ZDHHC3: variants seen among roughly 807,000 people sequenced by gnomAD.
ZDHHC3 encodes palmitoyltransferase ZDHHC3.
A neutral mutation model predicts 30.6 loss-of-function variants in ZDHHC3; 9 were observed. The observed-to-expected ratio is 0.29, with a 90% CI of 0.18 to 0.51. The LOEUF is 0.51. Ranked by LOEUF, ZDHHC3 falls within the 20% of genes least tolerant of loss-of-function variation. ZDHHC3 has a pLI of 0.97. For synonymous variants in ZDHHC3, 136 were observed against 140.2 expected, an observed-to-expected ratio of 0.97 and a Z score of 0.21; for missense variants, 246 against 384.2, an observed-to-expected ratio of 0.64 and a Z score of 3.01.
Position 44,917,715 on chromosome 3 carries a change from C to A in ZDHHC3, c.*8974G>T. The stretch of plus-strand genomic sequence containing the variant: ...TCTGATGTCCCCAGCCTACTCCCGA[C>A]CCCCAGACCTGGCCCAACATGGAGA... On this transcript the variant is annotated 3_prime_UTR_variant, in exon 7 of 7. Coordinates refer to ENST00000424952, the MANE Select transcript of ZDHHC3 (RefSeq NM_001135179.2). 7.8e-6 allele frequency: 5 copies of A among 638,122 alleles called. No individual in the cohort carries two copies. The South Asian group carries it at 9.3e-5, about 12-fold the overall frequency. 39.5% of individuals were successfully genotyped at this position (638,122 alleles called of 1,614,324 possible).
At chr3:44,942,827 C>G (rs575904597) in intron 3 of ZDHHC3, among the ~76,000 whole-genome samples, 144 of 152,364 alleles carry the variant, frequency 9.5e-4, no homozygotes, top group Non-Finnish European at 1.8e-3. Context: ...GCAAGCGACA[C>G]AGCTGAACTT....
rs1382208078 is a variant in ZDHHC3 at position 44,959,019 on chromosome 3, G to A, written c.306+112C>T. On this transcript the variant is annotated intron_variant, in intron 2 of 6. Transcript: ENST00000424952. This position sits in a 1 kb window ranked among gnomAD's most constrained non-coding sequence, Gnocchi z 4.3. ...AGATCTACTTCCTCACCCTCCCCTG[G>A]CCCTCCTATCCTCCAAGTTCCCAAG... 4.6e-6 allele frequency: 6 copies of A among 1,314,700 alleles called. No homozygotes were observed. Among genetic ancestry groups the A allele is most frequent in the Non-Finnish European group, 6.3e-6 (6 of 945,546 alleles). 81.4% of individuals were successfully genotyped at this position (1,314,700 alleles called of 1,614,324 possible). A position where few individuals can be genotyped will look rare whatever the true frequency, so the allele number is the denominator to read the frequency against.
rs1701629997 is a variant in ZDHHC3 at position 44,932,962 on chromosome 3, T to C, written c.610+156A>G. On this transcript the variant is annotated intron_variant, in intron 5 of 6. Coordinates refer to ENST00000424952, the MANE Select transcript of ZDHHC3 (RefSeq NM_001135179.2). ...TTTCATGAAGAGAGATTCCAGTCTCTGCCATTTCTTCCCTGTTCAGTCCAT... is the reference window on the plus strand; with the variant it reads ...TTTCATGAAGAGAGATTCCAGTCTCCGCCATTTCTTCCCTGTTCAGTCCAT... The C allele has an allele frequency of 3.1e-6, 5 of 1,614,046 alleles. No individual in the cohort carries two copies. In the South Asian group the frequency reaches 4.4e-5, roughly 14 times the overall value.
intron 6 of ZDHHC3, among the ~76,000 whole-genome samples, chr3:44,928,754 TGAG>T (rs1010291046): frequency 4.0e-5 from 6 of 151,554 alleles, no homozygotes; most frequent in Non-Finnish European, 5.9e-5. Context: ...ATGGTAGGGG[TGAG>T]GAGAAGGCAG....
chr3:44,964,873 C>T (rs1575942024), intron 1 of ZDHHC3, among the ~76,000 whole-genome samples: 1 of 152,022 alleles, frequency 6.6e-6, no homozygotes, highest in South Asian at 2.1e-4. Context: ...AAAGAGTTAG[C>T]GCCTCCATAT....
At position 44,959,793 on chromosome 3, in the gene ZDHHC3, G is replaced by C. The variant is rs1302987229; in HGVS notation, c.-24-333C>G. On this transcript the variant is annotated intron_variant, in intron 1 of 6. Coordinates refer to ENST00000424952, the MANE Select transcript of ZDHHC3 (RefSeq NM_001135179.2). This position sits in a 1 kb window ranked among gnomAD's most constrained non-coding sequence, Gnocchi z 4.3. ...TTGAGACCAGGTGGGGTCTCACTCTGTCATTCAGGCTGGAGTGCAGTGGCA... is the reference window on the plus strand; with the variant it reads ...TTGAGACCAGGTGGGGTCTCACTCTCTCATTCAGGCTGGAGTGCAGTGGCA... 6.6e-6 allele frequency among the ~76,000 whole-genome samples: 1 copy of C among 152,196 alleles called. No homozygotes were observed. The highest frequency in any genetic ancestry group is 1.5e-5 in the Non-Finnish European group (1 of 68,042).
At position 44,919,968 on chromosome 3, in the gene ZDHHC3, T is replaced by G. The variant is rs1700478658; in HGVS notation, c.*6721A>C. 3 of 1,103,570 alleles carry G rather than the reference T, an allele frequency of 2.7e-6. No individual in the cohort carries two copies. The South Asian group carries it at 7.0e-5, about 26-fold the overall frequency. The allele number at this position is 1,103,570 out of a possible 1,614,324, so 68.4% of individuals were successfully genotyped here. A position where few individuals can be genotyped will look rare whatever the true frequency, so the allele number is the denominator to read the frequency against. On this transcript the variant is annotated 3_prime_UTR_variant, in exon 7 of 7. Transcript: ENST00000424952. ...AATGATGGTTAAGCAAATGATTCTA[T>G]AACACTATGCAGCTAGAAAAGATGG...
chr3:44,917,897 A>G lies in ZDHHC3; in HGVS notation c.*8792T>C, dbSNP rs1212660405. 7.7e-7 allele frequency: 1 copy of G among 1,302,210 alleles called. No homozygotes were observed. The highest frequency in any genetic ancestry group is 1.0e-6 in the Non-Finnish European group (1 of 988,930). The allele number at this position is 1,302,210 out of a possible 1,614,324, so 80.7% of individuals were successfully genotyped here. A position where few individuals can be genotyped will look rare whatever the true frequency, so the allele number is the denominator to read the frequency against. Reference sequence around the variant, plus strand: ...TGCTTCTCTCCCCACAGCAGCATCTATTCATCTGTCACCTCCACAGAGTCC... The same window carrying G: ...TGCTTCTCTCCCCACAGCAGCATCTGTTCATCTGTCACCTCCACAGAGTCC... On this transcript the variant is annotated 3_prime_UTR_variant, in exon 7 of 7. Transcript: ENST00000424952.
Position 44,926,327 on chromosome 3 carries a change from A to C in ZDHHC3, c.*362T>G. 1.0e-6 allele frequency: 1 copy of C among 997,916 alleles called. No individual in the cohort carries two copies. Among genetic ancestry groups the C allele is most frequent in the Non-Finnish European group, 1.2e-6 (1 of 838,564 alleles). The allele number at this position is 997,916 out of a possible 1,614,324, so 61.8% of individuals were successfully genotyped here. Reference sequence around the variant, plus strand: ...GCATCCCCCACCAGGTGTCCAGACTATTCCATCCACGCACAGCGTCATGTC... The same window carrying C: ...GCATCCCCCACCAGGTGTCCAGACTCTTCCATCCACGCACAGCGTCATGTC... On this transcript the variant is annotated 3_prime_UTR_variant, in exon 7 of 7. Coordinates refer to ENST00000424952, the MANE Select transcript of ZDHHC3 (RefSeq NM_001135179.2).
Position 44,926,603 on chromosome 3 carries a change from T to C in ZDHHC3, c.*86A>G, listed in dbSNP as rs758093613. On this transcript the variant is annotated 3_prime_UTR_variant, in exon 7 of 7. Coordinates refer to ENST00000424952, the MANE Select transcript of ZDHHC3 (RefSeq NM_001135179.2). ...GTTTTAAGAGTAGTTGTTTTGCTTT[T>C]TCGATTTAAACATTCATGAGAACGG... is the stretch of plus-strand genomic sequence containing the variant. 4.5e-6 allele frequency: 6 copies of C among 1,323,024 alleles called. No individual in the cohort carries two copies. Among genetic ancestry groups the C allele is most frequent in the Admixed American group, 3.4e-5 (1 of 29,818 alleles). The allele number at this position is 1,323,024 out of a possible 1,614,324, so 82.0% of individuals were successfully genotyped here.
chr3:44,945,303 G>C lies in ZDHHC3; in HGVS notation c.307-11C>G, dbSNP rs1269186449. 1.2e-6 allele frequency: 2 copies of C among 1,614,078 alleles called. No individual in the cohort carries two copies. The highest frequency in any genetic ancestry group is 1.7e-6 in the Non-Finnish European group (2 of 1,180,038). On this transcript the variant is annotated splice_polypyrimidine_tract_variant and intron_variant, in intron 2 of 6. Coordinates refer to ENST00000424952, the MANE Select transcript of ZDHHC3 (RefSeq NM_001135179.2). ...TTTGGGCACTGCCCCCTGTAGGAAA[G>C]ATGAAAGGTATCAGGGTTGGGCTGG...
intron 1 of ZDHHC3, among the ~76,000 whole-genome samples, 169 bp downstream of exon 1, chr3:44,975,764 T>TCACACACACACACA (rs1335553619): frequency 6.9e-6 from 1 of 144,034 alleles, no homozygotes; most frequent in African/African-American, 2.8e-5. Flanking sequence ...TCTCTCTCTC[T>TCACACACACACACA]CTCTCTCTCA....
At chr3:44,962,594 C>T (rs753432699) in intron 1 of ZDHHC3, among the ~76,000 whole-genome samples, 2 of 151,996 alleles carry the variant, frequency 1.3e-5, no homozygotes, top group Non-Finnish European at 2.9e-5. Context: ...AATAATCAAC[C>T]ATTTCTTCTG....
Position 44,937,484 on chromosome 3 carries a change from T to C in ZDHHC3, c.432-3500A>G, listed in dbSNP as rs142868094. 3.3e-3 allele frequency among the ~76,000 whole-genome samples: 493 copies of C among 151,408 alleles called. 1 individual carries two copies. The highest frequency in any genetic ancestry group is 0.024 in the South Asian group (115 of 4,764). ...ACTTAGGGAGGCCAAGGTGGGAGGA[T>C]TGCTTGAGCCCAGGAGTTTGAGACC... On this transcript the variant is annotated intron_variant, in intron 3 of 6. Coordinates refer to ENST00000424952, the MANE Select transcript of ZDHHC3 (RefSeq NM_001135179.2).
At chr3:44,944,717 A>G (rs944280611) in intron 3 of ZDHHC3, among the ~76,000 whole-genome samples, 13 of 152,370 alleles carry the variant, frequency 8.5e-5, no homozygotes, top group Admixed American at 2.6e-4. Flanking sequence ...TGCAACTATC[A>G]TAACCTTTAG....
Position 44,918,065 on chromosome 3 carries a change from C to G in ZDHHC3, c.*8624G>C, listed in dbSNP as rs1700311687. 6 of 1,305,434 alleles carry G rather than the reference C, an allele frequency of 4.6e-6. No homozygotes were observed. The highest frequency in any genetic ancestry group is 3.7e-5 in the South Asian group (3 of 81,030). The allele number at this position is 1,305,434 out of a possible 1,614,324, so 80.9% of individuals were successfully genotyped here. ...TTGAACCAGTTCAGGGAGAAGTCCCCACCAAAGGTCTCCTTTACTGACTGC... is the reference window on the plus strand; with the variant it reads ...TTGAACCAGTTCAGGGAGAAGTCCCGACCAAAGGTCTCCTTTACTGACTGC... On this transcript the variant is annotated 3_prime_UTR_variant, in exon 7 of 7. Coordinates refer to ENST00000424952, the MANE Select transcript of ZDHHC3 (RefSeq NM_001135179.2).
In ZDHHC3 at chr3:44,923,352, A is replaced by G. The variant is rs1379816707; in HGVS notation, c.*3337T>C. ...CGGCCTCCCAAAGTGCTGGGATTAC[A>G]GGCGTGAGGGATGTCCACAGTGAGA... On this transcript the variant is annotated 3_prime_UTR_variant, in exon 7 of 7. Transcript: ENST00000424952. 4.1e-6 allele frequency: 4 copies of G among 985,166 alleles called. No individual in the cohort carries two copies. The highest frequency in any genetic ancestry group is 4.8e-6 in the Non-Finnish European group (4 of 829,834). The allele number at this position is 985,166 out of a possible 1,614,324, so 61.0% of individuals were successfully genotyped here. A position where few individuals can be genotyped will look rare whatever the true frequency, so the allele number is the denominator to read the frequency against.
chr3:44,926,497 G>C lies in ZDHHC3; in HGVS notation c.*192C>G, dbSNP rs910554561. 2 of 1,283,528 alleles carry C rather than the reference G, an allele frequency of 1.6e-6. No individual in the cohort carries two copies. The highest frequency in any genetic ancestry group is 3.1e-5 in the African/African-American group (2 of 65,470). The allele number at this position is 1,283,528 out of a possible 1,614,324, so 79.5% of individuals were successfully genotyped here. A position where few individuals can be genotyped will look rare whatever the true frequency, so the allele number is the denominator to read the frequency against. ...CTTCGGTCACCAAAAGAAATCGAAA[G>C]GATGGTTTTTAAAAAATAAAATGTG... On this transcript the variant is annotated 3_prime_UTR_variant, in exon 7 of 7. Transcript: ENST00000424952.
chr3:44,960,870 G>A (rs145909339), intron 1 of ZDHHC3, among the ~76,000 whole-genome samples: 63 of 152,356 alleles, frequency 4.1e-4, no homozygotes, highest in African/African-American at 1.4e-3. Context: ...AAAGCTAGGA[G>A]GGCAGACCAG....
Sources: allele counts gnomAD v4.1 joint callset (sites outside exome capture counted in the v4.1 genomes callset), GRCh38; gene constraint gnomAD v4.1.1; non-coding constraint Gnocchi (gnomAD v3.1); transcripts MANE v1.5; gene names NCBI Gene and HGNC (gene_info 2026-07-23, HGNC 2026-07-21).